Variants in PPM1B observed in about 807,000 individuals in gnomAD.
PPM1B encodes protein phosphatase, Mg2+/Mn2+ dependent 1B.
PPM1B carries 22 observed loss-of-function variants against 43.0 expected under a neutral mutation model. The observed-to-expected ratio is 0.51, with a 90% CI of 0.37 to 0.73. PPM1B has a LOEUF of 0.73. Among genes scored for constraint, PPM1B ranks in the 30% least tolerant of loss-of-function variants. The probability of loss-of-function intolerance (pLI) is 0.00; values close to 1 mark genes in which losing one functional copy is unlikely to be tolerated. For missense variants in PPM1B, 632 were observed against 584.2 expected (o/e 1.08, Z -0.84); for synonymous variants, 217 against 197.9 (o/e 1.10, Z -0.81).
chr2:44,184,345 C>T (rs1381210547), intron 1 of PPM1B, among the ~76,000 whole-genome samples: 1 of 152,182 alleles, frequency 6.6e-6, no homozygotes, highest in Non-Finnish European at 1.5e-5. Flanking sequence ...GGGTACCACA[C>T]TGTTGGTTTT....
rs571198714 is a variant in PPM1B at position 44,180,909 on chromosome 2, A to C, written c.-15+11635A>C. On this transcript the variant is annotated intron_variant, in intron 1 of 5. Transcript: ENST00000282412. ...TCCAAATGATTTTATAGGAGTGGTGAGATGGTGGTAGGAAGAGTTGGGATG... is the reference window on the plus strand; with the variant it reads ...TCCAAATGATTTTATAGGAGTGGTGCGATGGTGGTAGGAAGAGTTGGGATG... 2.4e-4 allele frequency among the ~76,000 whole-genome samples: 37 copies of C among 152,058 alleles called. 1 individual carries two copies. The highest frequency in any genetic ancestry group is 2.0e-3 in the Admixed American group (31 of 15,200).
chr2:44,242,633 A>G (rs1345424354), intron 5 of PPM1B, among the ~76,000 whole-genome samples: 3 of 152,198 alleles, frequency 2.0e-5, no homozygotes, highest in Admixed American at 1.3e-4. Context: ...CACATTGCCA[A>G]GCTGCTGGGT....
At chr2:44,180,717 C>T (rs1377333499) in intron 1 of PPM1B, among the ~76,000 whole-genome samples, 1 of 151,718 alleles carries the variant, frequency 6.6e-6, no homozygotes, top group Non-Finnish European at 1.5e-5. Context: ...CTCAAGCTAT[C>T]CTTCTGCCTC....
intron 1 of PPM1B, among the ~76,000 whole-genome samples, chr2:44,181,132 A>G (rs1328274918): frequency 6.6e-6 from 1 of 152,096 alleles, no homozygotes; most frequent in East Asian, 1.9e-4. Context: ...GTTTGTATAG[A>G]CAGAGTCTCA....
chr2:44,172,439 A>G (rs1257811336), intron 1 of PPM1B, among the ~76,000 whole-genome samples: 2 of 152,252 alleles, frequency 1.3e-5, no homozygotes, highest in Non-Finnish European at 2.9e-5. Flanking sequence ...GCAGAATGAC[A>G]GAACTGATCA....
chr2:44,209,466 TTTTG>T, intron 3 of PPM1B, 139 bp downstream of exon 3: 2 of 946,534 alleles, frequency 2.1e-6, no homozygotes, highest in East Asian at 2.7e-5. Flanking sequence ...AAAGTATTCT[TTTTG>T]TTTATCAAAT....
intron 1 of PPM1B, among the ~76,000 whole-genome samples, chr2:44,193,885 A>AT (rs1177060990): frequency 6.6e-6 from 1 of 150,796 alleles, no homozygotes; most frequent in Non-Finnish European, 1.5e-5. Context: ...AGCATAAAAA[A>AT]TTTTTTTTTA....
chr2:44,187,369 G>A lies in PPM1B; in HGVS notation c.-14-13817G>A, dbSNP rs187746642. On this transcript the variant is annotated intron_variant, in intron 1 of 5. Coordinates refer to ENST00000282412, the MANE Select transcript of PPM1B (RefSeq NM_002706.6). The stretch of plus-strand genomic sequence containing the variant: ...CTGTTATGCATAATATGGGTACTAC[G>A]ATCATGGGTGTACAAATAGAAATGT... Among the ~76,000 whole-genome samples, 27 of 152,224 alleles carry A rather than the reference G, an allele frequency of 1.8e-4. 1 individual carries two copies. Among genetic ancestry groups the A allele is most frequent in the Admixed American group, 7.8e-4 (12 of 15,296 alleles).
intron 1 of PPM1B, among the ~76,000 whole-genome samples, chr2:44,181,503 G>A (rs976009830): frequency 6.6e-6 from 1 of 152,200 alleles, no homozygotes; most frequent in African/African-American, 2.4e-5. Flanking sequence ...AAGTCAGGGA[G>A]ATCCACTAGG....
intron 3 of PPM1B, 53 bp from the exon 4 acceptor site, chr2:44,217,914 G>T: frequency 9.2e-7 from 1 of 1,083,912 alleles, no homozygotes. Flanking sequence ...TCACTTCTTG[G>T]TGAGTACTGG....
intron 5 of PPM1B, chr2:44,229,933 T>C: frequency 7.1e-7 from 1 of 1,400,548 alleles, no homozygotes; most frequent in African/African-American, 1.5e-5. Flanking sequence ...AACTCTAAAA[T>C]CTTTCAAAAA....
Position 44,217,973 on chromosome 2 carries a change from T to C in PPM1B, c.971T>C (p.Met324Thr). The change falls in exon 4 of 6, where the codon ATG (methionine) becomes ACG (threonine). Residue 324 changes from methionine (M) to threonine (T), a missense_variant. Physicochemically the swap from Met to Thr is moderately conservative, Grantham distance 81. This residue lies in a region of PPM1B where 392 missense variants were observed against 302.7 expected (regional missense o/e 1.29). Coordinates refer to ENST00000282412, the MANE Select transcript of PPM1B (RefSeq NM_002706.6). The part of the protein sequence containing the change: ...KHLESRVEEI[M>T]EKSGEEGMPD... ...TTTTTTAAAAAACCTACAGAGATTA[T>C]GGAGAAGTCTGGCGAGGAAGGAATG... The C allele has an allele frequency of 6.3e-7, 1 of 1,596,678 alleles. No individual in the cohort carries two copies. The highest frequency in any genetic ancestry group is 2.2e-5 in the East Asian group (1 of 44,612).
At chr2:44,193,567 T>A (rs1353652062) in intron 1 of PPM1B, among the ~76,000 whole-genome samples, 1 of 145,664 alleles carries the variant, frequency 6.9e-6, no homozygotes, top group Non-Finnish European at 1.5e-5. Context: ...CTAATTAAAA[T>A]TTTTTTTCTT....
rs370275627 is a variant in PPM1B, at chr2:44,175,986, A to G, written c.-15+6712A>G. Among the ~76,000 whole-genome samples, 60 of 152,116 alleles carry G rather than the reference A, an allele frequency of 3.9e-4. 2 individuals are homozygous for G. The South Asian group carries it at 8.9e-3, about 23-fold the overall frequency. ...CTTTTAGTAGAGATGGGGTTTCACT[A>G]TGTTGGTCATGCTGGTCTGGAACTC... On this transcript the variant is annotated intron_variant, in intron 1 of 5. Transcript: ENST00000282412.
intron 1 of PPM1B, among the ~76,000 whole-genome samples, chr2:44,186,207 A>G (rs1668109683): frequency 6.6e-6 from 1 of 152,080 alleles, no homozygotes; most frequent in East Asian, 1.9e-4. Flanking sequence ...GCAATGTTTT[A>G]TAATAATGAA....
Position 44,180,221 on chromosome 2 carries a change from C to T in PPM1B, c.-15+10947C>T, listed in dbSNP as rs909172326. ...TATTTCTCCCTTTGTTTTGCTTAAT[C>T]TTGATCTTTCTTTCCTCACTTAGGA... On this transcript the variant is annotated intron_variant, in intron 1 of 5. Coordinates refer to ENST00000282412, the MANE Select transcript of PPM1B (RefSeq NM_002706.6). Among the ~76,000 whole-genome samples, 5 of 152,080 alleles carry T rather than the reference C, an allele frequency of 3.3e-5. No individual in the cohort carries two copies. In the East Asian group the frequency reaches 9.6e-4, roughly 29 times the overall value.
rs186081755 is a variant in PPM1B at position 44,213,183 on chromosome 2, A to G, written c.964+3856A>G. Among the ~76,000 whole-genome samples, 65 of 128,782 alleles carry G rather than the reference A, an allele frequency of 5.0e-4. 1 individual carries two copies. The East Asian group carries it at 0.013, about 25-fold the overall frequency. The allele number at this position is 128,782 out of a possible 152,430, so 84.5% of individuals were successfully genotyped here. On this transcript the variant is annotated intron_variant, in intron 3 of 5. Coordinates refer to ENST00000282412, the MANE Select transcript of PPM1B (RefSeq NM_002706.6). ...AATCTTAATATAACCTTTTGGTTTT[A>G]TATATGCTGTTTTTAAGATATGAAA...
intron 2 of PPM1B, among the ~76,000 whole-genome samples, chr2:44,203,486 T>A (rs1382091192): frequency 1.3e-5 from 2 of 151,996 alleles, no homozygotes; most frequent in Non-Finnish European, 2.9e-5. Flanking sequence ...AAAAAAGGTA[T>A]ATACTTACTA....
At chr2:44,242,330 TACAC>T (rs1378277835) in intron 5 of PPM1B, among the ~76,000 whole-genome samples, 2 of 152,102 alleles carry the variant, frequency 1.3e-5, no homozygotes, top group African/African-American at 4.8e-5. Context: ...ATGAAAATAA[TACAC>T]ATTAACTTTA....
Sources: allele counts gnomAD v4.1 joint callset (sites outside exome capture counted in the v4.1 genomes callset), GRCh38; gene constraint gnomAD v4.1.1; regional missense constraint gnomAD v4.1.1; transcripts MANE v1.5; gene names NCBI Gene and HGNC (gene_info 2026-07-23, HGNC 2026-07-21).